KHDC1: variants seen among roughly 807,000 people sequenced by gnomAD.
The protein encoded by KHDC1 is KH domain containing 1, also known as KH homology domain-containing protein 1.
A neutral mutation model predicts 24.7 loss-of-function variants in KHDC1; 21 were observed. The ratio of observed to expected loss-of-function variants is 0.85; its 90% CI spans 0.60 to 1.23. The LOEUF (loss-of-function observed/expected upper bound fraction) is 1.23. KHDC1 is among the 50% of genes most tolerant of loss of function. The pLI is 0.00. For missense variants in KHDC1, 274 were observed against 298.5 expected (o/e 0.92, Z 0.61); for synonymous variants, 98 against 111.7 (o/e 0.88, Z 0.77).
In KHDC1 at chr6:73,310,009, A is replaced by C. The variant is rs180755932; in HGVS notation, c.-295T>G. 1.3e-3 allele frequency: 476 copies of C among 359,328 alleles called. 2 individuals carry two copies. The highest frequency in any genetic ancestry group is 7.4e-4 in the Non-Finnish European group (146 of 197,558). The allele number at this position is 359,328 out of a possible 1,614,324, so 22.3% of individuals were successfully genotyped here. ...ACCAAACAACGGTGATAACATCCAC[A>C]ACGCCACGTAAACCATCTTTGGGCC... On this transcript the variant is annotated 5_prime_UTR_variant, in exon 1 of 5. Transcript: ENST00000370384.
At chr6:73,303,441 C>G (rs1420734584) in intron 1 of KHDC1, among the ~76,000 whole-genome samples, 1 of 152,102 alleles carries the variant, frequency 6.6e-6, no homozygotes, top group Non-Finnish European at 1.5e-5. Context: ...TAGGCAGAAA[C>G]AAGATATTTG....
intron 2 of KHDC1, among the ~76,000 whole-genome samples, chr6:73,285,538 T>C (rs1003850413): frequency 6.6e-6 from 1 of 152,196 alleles, no homozygotes; most frequent in South Asian, 2.1e-4. Context: ...TTCGCCATGT[T>C]GGCCAGGCTG....
At chr6:73,279,760 C>A (rs1301868200) in intron 2 of KHDC1, among the ~76,000 whole-genome samples, 1 of 151,732 alleles carries the variant, frequency 6.6e-6, no homozygotes, top group African/African-American at 2.4e-5. Flanking sequence ...TTATATTTTT[C>A]GTAGAGACAG....
intron 1 of KHDC1, among the ~76,000 whole-genome samples, chr6:73,294,393 C>T (rs894715477): frequency 2.6e-5 from 4 of 152,208 alleles, no homozygotes; most frequent in African/African-American, 9.6e-5. Flanking sequence ...AGCACTTCTG[C>T]ACATATTTAG....
At chr6:73,290,652 T>C in intron 2 of KHDC1, 1 of 493,902 alleles carries the variant, frequency 2.0e-6, no homozygotes, top group Admixed American at 2.2e-5. Context: ...GCAGGAATAC[T>C]AGCTAGTGGG....
chr6:73,245,639 C>A lies in KHDC1; in HGVS notation c.207-3109G>T, dbSNP rs573257719. On this transcript the variant is annotated intron_variant, in intron 2 of 4. Transcript: ENST00000370384. ...CGTTCTCAAATTTAGTGTTAGAATT[C>A]ATTTTTTTCCTTCTAATTGTTCTAA... is the stretch of plus-strand genomic sequence containing the variant. 3.3e-5 allele frequency among the ~76,000 whole-genome samples: 5 copies of A among 152,200 alleles called. No homozygotes were observed. The South Asian group carries it at 1.0e-3, about 32-fold the overall frequency.
chr6:73,283,573 T>C (rs1040424801), intron 2 of KHDC1, among the ~76,000 whole-genome samples: 1 of 151,788 alleles, frequency 6.6e-6, no homozygotes, highest in Admixed American at 6.6e-5. Context: ...CCTTAGTTTT[T>C]GTTTCTTTAG....
chr6:73,291,949 T>G (rs1034273186), intron 2 of KHDC1: 3 of 1,598,644 alleles, frequency 1.9e-6, no homozygotes, highest in Non-Finnish European at 2.6e-6. Context: ...ACAGACTCCC[T>G]TTTTTTGGTA....
At chr6:73,309,599 A>G in exon 1 of KHDC1, 1 of 1,547,036 alleles carries the variant, frequency 6.5e-7, no homozygotes, top group East Asian at 2.5e-5. Context: ...CCCGATCAGG[A>G]GCATCGCAAG....
At chr6:73,270,936 C>A (rs1426134392) in intron 2 of KHDC1, among the ~76,000 whole-genome samples, 1 of 151,976 alleles carries the variant, frequency 6.6e-6, no homozygotes, top group East Asian at 2.0e-4. Flanking sequence ...ATGATCCACC[C>A]ACATCGGCCT....
chr6:73,258,518 CAAGA>C (rs1766923514), intron 2 of KHDC1, among the ~76,000 whole-genome samples: 1 of 152,118 alleles, frequency 6.6e-6, no homozygotes, highest in Non-Finnish European at 1.5e-5. Flanking sequence ...GCTTGACCTA[CAAGA>C]AAGAGTCAAA....
At chr6:73,242,142 T>G in exon 4 of KHDC1, 2 of 1,614,100 alleles carry the variant, frequency 1.2e-6, no homozygotes, top group Non-Finnish European at 1.7e-6. Context: ...CCGACTACAG[T>G]CACACGAGTC....
chr6:73,254,354 G>A (rs11963438), intron 2 of KHDC1, among the ~76,000 whole-genome samples: 19,418 of 151,810 alleles, frequency 0.13, 1,588 homozygotes, highest in African/African-American at 0.23. Context: ...CCTGCTCCTC[G>A]GGAGGCTGAG....
intron 2 of KHDC1, 67 bp from the exon 1 acceptor site, chr6:73,263,263 G>T: frequency 1.0e-6 from 1 of 985,972 alleles, no homozygotes; most frequent in Non-Finnish European, 1.2e-6. Flanking sequence ...CCTCCCGCCT[G>T]CTCTGTGTAG....
In KHDC1 at chr6:73,289,332, T is replaced by G. The variant is rs1209032159; in HGVS notation, c.206+2666A>C. 7.0e-3 allele frequency among the ~76,000 whole-genome samples: 28 copies of G among 3,992 alleles called. No homozygotes were observed. In the East Asian group the frequency reaches 0.15, roughly 21 times the overall value. 2.6% of individuals were successfully genotyped at this position (3,992 alleles called of 152,430 possible). A position where few individuals can be genotyped will look rare whatever the true frequency, so the allele number is the denominator to read the frequency against. On this transcript the variant is annotated intron_variant, in intron 2 of 4. Coordinates refer to ENST00000370384, the Ensembl canonical transcript of KHDC1. Reference sequence around the variant, plus strand: ...CTGGGCGACAGAGTGAGACTCCATCTCAAAAAAAAAAAAAAAAAAAAAAAA... The same window carrying G: ...CTGGGCGACAGAGTGAGACTCCATCGCAAAAAAAAAAAAAAAAAAAAAAAA...
intron 2 of KHDC1, chr6:73,291,899 G>T: frequency 2.3e-6 from 3 of 1,310,022 alleles, no homozygotes; most frequent in Non-Finnish European, 2.2e-6. Flanking sequence ...GCCTGCACAT[G>T]CACCTCCTGA....
chr6:73,272,668 C>G (rs1009711706), intron 2 of KHDC1, among the ~76,000 whole-genome samples: 1 of 150,440 alleles, frequency 6.6e-6, no homozygotes, highest in Non-Finnish European at 1.5e-5. Flanking sequence ...CCCAGTTACT[C>G]AGGAGGCTAA....
chr6:73,277,060 T>C (rs12216244), intron 2 of KHDC1, among the ~76,000 whole-genome samples: 13,878 of 152,238 alleles, frequency 0.091, 672 homozygotes, highest in Non-Finnish European at 0.1. Context: ...AGGAAGAACA[T>C]TCCTGTTTAT....
Position 73,294,367 on chromosome 6 carries a change from T to TA in KHDC1, c.164-2328dup, listed in dbSNP as rs938865171. On this transcript the variant is annotated intron_variant, in intron 1 of 4. Transcript: ENST00000370384. ...GCTTTAGACTTATTAGATGAAGACT[T>TA]AAAAAAAAAAGGAACAGCACTTCTG... is the stretch of plus-strand genomic sequence containing the variant. Among the ~76,000 whole-genome samples the TA allele has an allele frequency of 4.0e-3, 596 of 148,662 alleles. 4 individuals are homozygous for TA. Among genetic ancestry groups the TA allele is most frequent in the African/African-American group, 0.013 (538 of 40,692 alleles).
Sources: allele counts gnomAD v4.1 joint callset (sites outside exome capture counted in the v4.1 genomes callset), GRCh38; gene constraint gnomAD v4.1.1; transcripts MANE v1.5; gene names NCBI Gene and HGNC (gene_info 2026-07-23, HGNC 2026-07-21).